The following GRID1 variants were observed in gnomAD, a reference collection of about 807,000 sequenced individuals.
The protein encoded by GRID1 is glutamate ionotropic receptor delta type subunit 1.
In GRID1, 28 loss-of-function variants were observed where a neutral mutation model predicts 98.0. That is an observed-to-expected ratio of 0.29 (90% CI 0.21 to 0.39). The LOEUF (loss-of-function observed/expected upper bound fraction) is 0.39, where lower values mean the gene tolerates loss of function less well. Among genes scored for constraint, GRID1 ranks in the 10% least tolerant of loss-of-function variants. GRID1 has a pLI of 1.00. For synonymous variants in GRID1, 553 were observed against 538.5 expected (o/e 1.03, Z -0.37); for missense variants, 1,111 against 1,340.5 (o/e 0.83, Z 2.67).
chr10:85,632,052 C>T (rs1242549991), intron 13 of GRID1, among the ~76,000 whole-genome samples: 1 of 151,942 alleles, frequency 6.6e-6, no homozygotes. Flanking sequence ...CTGTTTGCTC[C>T]CCTAGCATGA....
intron 5 of GRID1, among the ~76,000 whole-genome samples, chr10:85,895,016 A>AAAAAATATTTATAT (rs766551035): frequency 1.0e-5 from 1 of 97,108 alleles, no homozygotes; most frequent in Non-Finnish European, 2.1e-5. Context: ...AAAAAAAAAA[A>AAAAAATATTTATAT]ATATATATAT....
At chr10:86,040,149 T>A (rs1232032951) in intron 4 of GRID1, among the ~76,000 whole-genome samples, 1 of 152,120 alleles carries the variant, frequency 6.6e-6, no homozygotes, top group Admixed American at 6.5e-5. Flanking sequence ...TTCATGGGAA[T>A]GTAAATGAGT....
chr10:85,904,054 T>C (rs1439116953), intron 5 of GRID1, among the ~76,000 whole-genome samples: 1 of 152,216 alleles, frequency 6.6e-6, no homozygotes, highest in African/African-American at 2.4e-5. Flanking sequence ...ATCTAACAAA[T>C]TCATCAAATT....
chr10:85,874,592 CA>C (rs1221237820), intron 5 of GRID1, among the ~76,000 whole-genome samples: 2 of 152,248 alleles, frequency 1.3e-5, no homozygotes, highest in East Asian at 3.9e-4. Context: ...ATTCTAGATA[CA>C]AAGCCTTTGT....
At chr10:86,269,451 C>T (rs1847152657) in intron 2 of GRID1, among the ~76,000 whole-genome samples, 1 of 152,234 alleles carries the variant, frequency 6.6e-6, no homozygotes, top group South Asian at 2.1e-4. Context: ...CCCCTTCACC[C>T]ACACACATTC....
intron 3 of GRID1, among the ~76,000 whole-genome samples, chr10:86,202,014 A>T (rs935750462): frequency 6.6e-6 from 1 of 152,228 alleles, no homozygotes; most frequent in Non-Finnish European, 1.5e-5. Context: ...ATACATCGTA[A>T]CCATGTGTAG....
chr10:86,031,949 T>A (rs1416129048), intron 4 of GRID1, among the ~76,000 whole-genome samples: 3 of 152,158 alleles, frequency 2.0e-5, no homozygotes, highest in Non-Finnish European at 2.9e-5. Flanking sequence ...GTCACCACCT[T>A]CAGGCCTCTC....
At chr10:86,021,057 TGCCTGC>T (rs1415611503) in intron 4 of GRID1, among the ~76,000 whole-genome samples, 2 of 151,676 alleles carry the variant, frequency 1.3e-5, no homozygotes, top group Non-Finnish European at 2.9e-5. Flanking sequence ...CCTGCCTGCC[TGCCTGC>T]CTGCCTGCCT....
chr10:86,014,896 C>T (rs1842962240), intron 4 of GRID1, among the ~76,000 whole-genome samples: 1 of 152,238 alleles, frequency 6.6e-6, no homozygotes, highest in South Asian at 2.1e-4. Flanking sequence ...TACTCAAGCC[C>T]TCACTTAAGG....
chr10:85,948,009 A>C (rs1298071019), intron 4 of GRID1, among the ~76,000 whole-genome samples: 2 of 152,238 alleles, frequency 1.3e-5, no homozygotes, highest in Non-Finnish European at 2.9e-5. Flanking sequence ...ACCATAGGAG[A>C]AAAAGAAGTT....
intron 8 of GRID1, among the ~76,000 whole-genome samples, chr10:85,822,544 G>A (rs902726709): frequency 2.6e-5 from 4 of 152,176 alleles, no homozygotes; most frequent in Admixed American, 2.6e-4. Flanking sequence ...AACAACAAGT[G>A]CTGGAGAGGA....
intron 4 of GRID1, among the ~76,000 whole-genome samples, chr10:86,027,589 T>A (rs960569039): frequency 6.6e-6 from 1 of 152,212 alleles, no homozygotes; most frequent in African/African-American, 2.4e-5. Flanking sequence ...GAGACAGCTT[T>A]AGTTCCAGTT....
chr10:85,629,405 T>C (rs1447918462), intron 13 of GRID1, among the ~76,000 whole-genome samples: 2 of 144,218 alleles, frequency 1.4e-5, no homozygotes, highest in Non-Finnish European at 3.0e-5. Context: ...TTTCCAAGTC[T>C]CTAATGTCTA....
intron 8 of GRID1, among the ~76,000 whole-genome samples, chr10:85,797,201 G>A (rs1239264757): frequency 6.6e-6 from 1 of 151,828 alleles, no homozygotes; most frequent in African/African-American, 2.4e-5. Flanking sequence ...CAAAACACTG[G>A]ATAATTTAAA....
intron 9 of GRID1, 94 bp from the exon 10 acceptor site, chr10:85,728,146 C>A: frequency 1.1e-6 from 1 of 947,970 alleles, no homozygotes; most frequent in Non-Finnish European, 1.7e-6. Flanking sequence ...CTGATTAGAA[C>A]ATTTGCAGTT....
At chr10:86,229,951 T>A (rs2132035239) in intron 2 of GRID1, among the ~76,000 whole-genome samples, 1 of 152,288 alleles carries the variant, frequency 6.6e-6, no homozygotes. Flanking sequence ...TGCCTCACCT[T>A]GGGATCCCCA....
chr10:85,611,703 G>T (rs1349886552), intron 15 of GRID1, among the ~76,000 whole-genome samples: 2 of 152,194 alleles, frequency 1.3e-5, no homozygotes, highest in South Asian at 2.1e-4. Context: ...TGTGCATAGA[G>T]ACCTGGGTGG....
chr10:85,646,659 C>T (rs1252755919), intron 13 of GRID1: 1 of 158,576 alleles, frequency 6.3e-6, no homozygotes, highest in Non-Finnish European at 1.4e-5. Context: ...CCTCCTAAGG[C>T]TTTGCCCGGT....
At chr10:86,185,860 G>A (rs1054748762) in intron 3 of GRID1, among the ~76,000 whole-genome samples, 5 of 152,182 alleles carry the variant, frequency 3.3e-5, no homozygotes, top group Non-Finnish European at 7.4e-5. Flanking sequence ...TTTTGTTGAA[G>A]TTCTTATGAA....
Sources: gnomAD v4.1 joint callset for allele counts (sites outside exome capture counted in the v4.1 genomes callset) on GRCh38, gnomAD v4.1.1 for gene constraint, MANE v1.5 for transcripts, NCBI Gene and HGNC (gene_info 2026-07-23, HGNC 2026-07-21) for gene names.